The following PCDHA5 variants were observed in gnomAD, a reference collection of about 807,000 sequenced individuals.
The protein encoded by PCDHA5 is protocadherin alpha-5.
Under a neutral mutation model 61.6 loss-of-function variants are expected in PCDHA5, and 43 were observed. The ratio of observed to expected loss-of-function variants is 0.70; its 90% CI spans 0.55 to 0.90. The LOEUF is 0.90. Among genes scored for constraint, PCDHA5 ranks in the 40% least tolerant of loss-of-function variants. The pLI, the probability that PCDHA5 is intolerant of heterozygous loss-of-function variation, is 0.00. For synonymous variants in PCDHA5, 627 were observed against 543.9 expected, an observed-to-expected ratio of 1.15 and a Z score of -2.13; for missense variants, 1,298 against 1,222.7, an observed-to-expected ratio of 1.06 and a Z score of -0.92.
rs2150371932 is a variant in PCDHA5 at position 140,844,548 on chromosome 5, G to A, written c.2352+20421G>A. Among the ~76,000 whole-genome samples, 6 of 149,134 alleles carry A rather than the reference G, an allele frequency of 4.0e-5. 1 individual carries two copies. Among genetic ancestry groups the A allele is most frequent in the Non-Finnish European group, 7.5e-5 (5 of 66,700 alleles). ...TCTAATCATTCAACCCTTTGTTCAT[G>A]AGTTGGAATATTTTCAATAATATTC... On this transcript the variant is annotated intron_variant, in intron 1 of 3. Transcript: ENST00000529859.
intron 1 of PCDHA5, chr5:140,929,152 T>TA (rs1322546333): frequency 2.5e-6 from 4 of 1,614,072 alleles, no homozygotes; most frequent in Non-Finnish European, 3.4e-6. Flanking sequence ...TTCTCAGACT[T>TA]ATCTCTATCG....
chr5:140,928,043 C>A (rs1554205400), intron 1 of PCDHA5: 1 of 1,614,192 alleles, frequency 6.2e-7, no homozygotes, highest in Non-Finnish European at 8.5e-7. Context: ...AGTGCAGGCC[C>A]TTTTCAGCTG....
chr5:140,858,015 C>T lies in PCDHA5; in HGVS notation c.2352+33888C>T, dbSNP rs781847343. ...GTGCTGGTGAAGGACCATGGCGAGC[C>T]GTCGCTGACGGCCACGGCCACTGTG... On this transcript the variant is annotated intron_variant, in intron 1 of 3. Transcript: ENST00000529859. The T allele has an allele frequency of 2.6e-5, 41 of 1,596,884 alleles. 4 individuals carry two copies. Among genetic ancestry groups the T allele is most frequent in the South Asian group, 1.2e-4 (11 of 90,482 alleles).
chr5:140,943,346 G>C (rs2153662502), intron 1 of PCDHA5, among the ~76,000 whole-genome samples: 1 of 151,738 alleles, frequency 6.6e-6, no homozygotes, highest in East Asian at 1.9e-4. Context: ...GACAGGATGA[G>C]AGTAGAGGAA....
intron 1 of PCDHA5, chr5:140,861,390 C>G (rs970688451): frequency 2.0e-5 from 9 of 450,942 alleles, no homozygotes; most frequent in Admixed American, 6.9e-5. Flanking sequence ...GGACCTGGGT[C>G]TGGAGCTTGT....
At chr5:140,876,709 C>T (rs782033453) in intron 1 of PCDHA5, 1 of 1,614,248 alleles carries the variant, frequency 6.2e-7, no homozygotes, top group Non-Finnish European at 8.5e-7. Context: ...GGACAGCGCC[C>T]TGGACCGCGA....
chr5:140,895,820 T>A (rs1409721318), intron 1 of PCDHA5, among the ~76,000 whole-genome samples: 2 of 152,156 alleles, frequency 1.3e-5, no homozygotes, highest in Non-Finnish European at 2.9e-5. Context: ...TATTGTATTG[T>A]ATTTTTTTCA....
intron 1 of PCDHA5, chr5:140,850,341 G>A: frequency 6.3e-7 from 1 of 1,597,748 alleles, no homozygotes. Flanking sequence ...GCCAGAAACG[G>A]CCAGCGCGAG....
At chr5:140,842,736 G>A in intron 1 of PCDHA5, 1 of 1,594,954 alleles carries the variant, frequency 6.3e-7, no homozygotes, top group South Asian at 1.1e-5. Context: ...CCGCCGGGCT[G>A]CCACATCTTC....
intron 3 of PCDHA5, among the ~76,000 whole-genome samples, chr5:141,002,672 C>A (rs1301536253): frequency 6.6e-6 from 1 of 152,292 alleles, no homozygotes; most frequent in African/African-American, 2.4e-5. Context: ...AGGACCAAAA[C>A]CTATACGACG....
At chr5:140,841,942 G>C in intron 1 of PCDHA5, 1 of 1,613,920 alleles carries the variant, frequency 6.2e-7, no homozygotes, top group South Asian at 1.1e-5. Flanking sequence ...ACGCTCCTGC[G>C]CACCACTTAT....
At position 140,927,036 on chromosome 5, in the gene PCDHA5, C is replaced by A. The variant is rs137875923; in HGVS notation, c.2353-51913C>A. On this transcript the variant is annotated intron_variant, in intron 1 of 3. Transcript: ENST00000529859. ...CCGCGGACTTGAGGCTGCCAGCGGC[C>A]GCTATGTCCTCGCGGAACTTTCGCT... 9.3e-6 allele frequency: 15 copies of A among 1,612,314 alleles called. No homozygotes were observed. In the East Asian group the frequency reaches 3.3e-4, roughly 36 times the overall value.
chr5:140,838,122 GTGTGTGTGTT>G (rs1205252659), intron 1 of PCDHA5, among the ~76,000 whole-genome samples: 1 of 144,084 alleles, frequency 6.9e-6, no homozygotes, highest in Admixed American at 7.0e-5. Context: ...GTGTGTGTGT[GTGTGTGTGTT>G]TGACAGAGTT....
At chr5:140,952,058 T>C (rs889374877) in intron 1 of PCDHA5, among the ~76,000 whole-genome samples, 1 of 152,096 alleles carries the variant, frequency 6.6e-6, no homozygotes, top group African/African-American at 2.4e-5. Flanking sequence ...ATCTTAAAGC[T>C]CCAAATAATC....
At position 141,009,849 on chromosome 5, in the gene PCDHA5, C is replaced by T. The variant is rs782348993; in HGVS notation, c.2723C>T (p.Thr908Ile). 54 of 1,613,364 alleles carry T rather than the reference C, an allele frequency of 3.3e-5. No individual in the cohort carries two copies. The South Asian group carries it at 5.8e-4, about 17-fold the overall frequency. ...DFITFGKKEETKKKKKKKKGN... is the reference protein window; with the variant it reads ...DFITFGKKEEIKKKKKKKKGN... ...ATAACCTTCGGCAAAAAGGAGGAGA[C>T]CAAGAAAAAGAAGAAAAAGAAGAAG... Residue 908 changes from threonine to isoleucine, a missense_variant, in exon 4 of 4, where the codon ACC becomes ATC. Transcript: ENST00000529859.
chr5:140,875,157 A>T, intron 1 of PCDHA5: 1 of 333,552 alleles, frequency 3.0e-6, no homozygotes, highest in Non-Finnish European at 5.3e-6. Flanking sequence ...CGTGAAAAAT[A>T]ACCCAAAGTC....
intron 3 of PCDHA5, among the ~76,000 whole-genome samples, chr5:140,984,162 C>A (rs2097089666): frequency 6.6e-6 from 1 of 152,150 alleles, no homozygotes; most frequent in Non-Finnish European, 1.5e-5. Context: ...GAGAACTTCC[C>A]AAAGAAGCCA....
At chr5:140,862,741 G>A (rs2153223703) in intron 1 of PCDHA5, 1 of 577,348 alleles carries the variant, frequency 1.7e-6, no homozygotes. Context: ...CTATGTGTGG[G>A]TGCACGCGGA....
intron 1 of PCDHA5, chr5:140,883,472 A>G (rs782442737): frequency 1.2e-5 from 20 of 1,614,018 alleles, no homozygotes; most frequent in Non-Finnish European, 1.4e-5. Context: ...GTCCACCTAC[A>G]AGAACTACTA....
Sources: gnomAD v4.1 joint callset for allele counts (sites outside exome capture counted in the v4.1 genomes callset) on GRCh38, gnomAD v4.1.1 for gene constraint, MANE v1.5 for transcripts, NCBI Gene and HGNC (gene_info 2026-07-23, HGNC 2026-07-21) for gene names.